THNSL1: variants seen among roughly 807,000 people sequenced by gnomAD.
THNSL1 encodes the protein threonine synthase like 1, also known as threonine synthase-like 1.
THNSL1 carries 48 observed loss-of-function variants against 50.4 expected under a neutral mutation model. The observed-to-expected ratio is 0.95, with a 90% confidence interval of 0.76 to 1.21. The LOEUF is 1.21. THNSL1 is among the 50% of genes most tolerant of loss of function. THNSL1 has a pLI of 0.00. For synonymous variants in THNSL1, 309 were observed against 306.1 expected (o/e 1.01, Z -0.10); for missense variants, 896 against 871.7 (o/e 1.03, Z -0.35).
At chr10:24,985,993 A>G in the THNSL1 span, among the ~76,000 whole-genome samples, 1 of 152,134 alleles carries the variant, frequency 6.6e-6, no homozygotes, top group Non-Finnish European at 1.5e-5. Context: ...ACCTGAGCTC[A>G]GGAGGTTGAG....
chr10:24,985,548 A>G, the THNSL1 span, among the ~76,000 whole-genome samples: 1 of 152,236 alleles, frequency 6.6e-6, no homozygotes, highest in Non-Finnish European at 1.5e-5. Context: ...TAAATGTAAC[A>G]CACATGCTAA....
chr10:25,009,408 A>G, the THNSL1 span, among the ~76,000 whole-genome samples: 1 of 152,226 alleles, frequency 6.6e-6, no homozygotes, highest in Non-Finnish European at 1.5e-5. Flanking sequence ...AAAATCAATT[A>G]AAAAATAAGA....
chr10:24,978,270 T>C, the THNSL1 span, among the ~76,000 whole-genome samples: 1 of 152,212 alleles, frequency 6.6e-6, no homozygotes, highest in Non-Finnish European at 1.5e-5. Context: ...TTTAAAATTA[T>C]GAACACATAG....
chr10:24,952,575 T>C, the THNSL1 span: 2 of 1,585,736 alleles, frequency 1.3e-6, no homozygotes, highest in Non-Finnish European at 1.7e-6. The surrounding 1 kb of genome is among the most constrained non-coding windows in gnomAD (Gnocchi z 5.1). Flanking sequence ...CTCCCGGCCA[T>C]GTTTCTCCCG....
the THNSL1 span, among the ~76,000 whole-genome samples, chr10:24,966,100 G>A: frequency 6.6e-6 from 1 of 152,218 alleles, no homozygotes; most frequent in African/African-American, 2.4e-5. Flanking sequence ...ACTTTGCCAA[G>A]AACACATCCA....
chr10:24,994,365 G>A, the THNSL1 span, among the ~76,000 whole-genome samples: 9 of 134,816 alleles, frequency 6.7e-5, no homozygotes, highest in East Asian at 2.2e-4. Context: ...ACCGAGTCTC[G>A]CTCTGTCACC....
the THNSL1 span, among the ~76,000 whole-genome samples, chr10:24,974,279 T>TTAA: frequency 6.6e-6 from 1 of 151,664 alleles, no homozygotes; most frequent in African/African-American, 2.4e-5. Flanking sequence ...ATGTGATTTT[T>TTAA]AAAAAAAAAT....
At chr10:24,952,746 G>T in the THNSL1 span, 22,601 of 631,978 alleles carry the variant, frequency 0.036, 603 homozygotes, top group South Asian at 0.062. The surrounding 1 kb of genome is among the most constrained non-coding windows in gnomAD (Gnocchi z 5.1). Context: ...GGCCTGACGC[G>T]GATCCATGGC....
chr10:25,008,871 G>C, the THNSL1 span, among the ~76,000 whole-genome samples: 1 of 152,132 alleles, frequency 6.6e-6, no homozygotes, highest in Non-Finnish European at 1.5e-5. Flanking sequence ...GTCCAACAAC[G>C]ATAGACTGGA....
the THNSL1 span, among the ~76,000 whole-genome samples, chr10:24,960,573 T>C: frequency 6.6e-6 from 1 of 151,770 alleles, no homozygotes; most frequent in East Asian, 1.9e-4. Flanking sequence ...ATTACAGGCG[T>C]GCACCACTAC....
In THNSL1 at chr10:25,024,938, T is replaced by G; in HGVS notation, c.1715T>G (p.Leu572Arg). The change falls in exon 3 of 3, where the codon CTA becomes CGA. Residue 572 changes from leucine (L) to arginine (R), a missense_variant. Physicochemically the swap from Leu to Arg is moderately radical, Grantham distance 102 (BLOSUM62 -2). Coordinates refer to ENST00000376356, the MANE Select transcript of THNSL1 (RefSeq NM_024838.5). ...PSIDILKSSN[L>R]ERHLHLMANK... ...ATAGATATTCTCAAATCTTCAAACCTAGAACGACATTTACACTTGATGGCT... is the reference window on the plus strand; with the variant it reads ...ATAGATATTCTCAAATCTTCAAACCGAGAACGACATTTACACTTGATGGCT... 1.2e-6 allele frequency: 2 copies of G among 1,614,042 alleles called. No individual in the cohort carries two copies. Among genetic ancestry groups the G allele is most frequent in the Non-Finnish European group, 1.7e-6 (2 of 1,180,022 alleles).
chr10:25,014,134 T>C (rs950075940), upstream of THNSL1, among the ~76,000 whole-genome samples: 1 of 152,182 alleles, frequency 6.6e-6, no homozygotes, highest in Non-Finnish European at 1.5e-5. Context: ...TTTGGTCACA[T>C]ACATTCATCT....
chr10:24,957,776 C>T, the THNSL1 span, among the ~76,000 whole-genome samples: 10 of 152,260 alleles, frequency 6.6e-5, no homozygotes, highest in East Asian at 3.9e-4. Flanking sequence ...CCACTGCATC[C>T]GGCCTTGAGT....
chr10:25,016,424 A>C (rs1202774747), upstream of THNSL1, among the ~76,000 whole-genome samples: 1 of 152,236 alleles, frequency 6.6e-6, no homozygotes, highest in East Asian at 1.9e-4. Context: ...GCGTCACCCA[A>C]TAAGGTTTTT....
rs1051328185 is a variant in THNSL1 at position 25,021,883 on chromosome 10, C to T, written c.-74C>T. 4 of 152,118 alleles carry T rather than the reference C, an allele frequency of 2.6e-5. No homozygotes were observed. The highest frequency in any genetic ancestry group is 2.0e-4 in the Admixed American group (3 of 15,262). The allele number at this position is 152,118 out of a possible 1,614,324, so 9.4% of individuals were successfully genotyped here. On this transcript the variant is annotated 5_prime_UTR_variant, in exon 2 of 3. Transcript: ENST00000376356. ...AAAGTCAAATAAGGAAATGAATTAC[C>T]TCCCTTGACGGCTCTAATTTTACTT...
At chr10:25,013,898 C>T (rs1261484627), upstream of THNSL1, among the ~76,000 whole-genome samples, 5 of 151,664 alleles carry the variant, frequency 3.3e-5, no homozygotes, top group Non-Finnish European at 7.4e-5. Context: ...GCCAAGATGG[C>T]GCCATTGCAC....
the THNSL1 span, among the ~76,000 whole-genome samples, chr10:24,998,283 CTTT>C: frequency 1.3e-5 from 2 of 149,696 alleles, no homozygotes; most frequent in Non-Finnish European, 3.0e-5. Context: ...TTTTTCTTTT[CTTT>C]TCTTTTCTTC....
intron 1 of THNSL1, among the ~76,000 whole-genome samples, chr10:25,018,988 T>C (rs896288870): frequency 1.3e-5 from 2 of 152,176 alleles, no homozygotes; most frequent in Non-Finnish European, 2.9e-5. Context: ...TGTGTGGTCC[T>C]TCCACCCTCA....
the THNSL1 span, among the ~76,000 whole-genome samples, chr10:24,998,872 T>C: frequency 2.1e-4 from 32 of 152,206 alleles, no homozygotes; most frequent in African/African-American, 7.7e-4. Context: ...GGCCCTAAGC[T>C]GGTTCTACCA....
Sources: allele counts gnomAD v4.1 joint callset (sites outside exome capture counted in the v4.1 genomes callset), GRCh38; gene constraint gnomAD v4.1.1; non-coding constraint Gnocchi (gnomAD v3.1); transcripts MANE v1.5; gene names NCBI Gene and HGNC (gene_info 2026-07-23, HGNC 2026-07-21).